Variants in RBM47 observed in about 807,000 individuals in gnomAD.
RBM47 encodes RNA-binding protein 47.
RBM47 carries 21 observed loss-of-function variants against 47.1 expected under a neutral mutation model. The ratio of observed to expected loss-of-function variants is 0.45; its 90% CI spans 0.32 to 0.64. The LOEUF (loss-of-function observed/expected upper bound fraction) is 0.64. RBM47 is among the 30% of genes least tolerant of loss of function. The pLI, the probability that RBM47 is intolerant of heterozygous loss-of-function variation, is 0.05. For synonymous variants in RBM47, 375 were observed against 361.7 expected (o/e 1.04, Z -0.42); for missense variants, 708 against 870.9 (o/e 0.81, Z 2.35).
intron 1 of RBM47, among the ~76,000 whole-genome samples, chr4:40,587,652 C>T (rs916079772): frequency 6.6e-6 from 1 of 152,154 alleles, no homozygotes; most frequent in Non-Finnish European, 1.5e-5. Context: ...AAGGGAAAGA[C>T]CTTCCAGCAC....
chr4:40,561,221 CA>C (rs1441418493), intron 1 of RBM47, among the ~76,000 whole-genome samples: 3 of 147,660 alleles, frequency 2.0e-5, no homozygotes, highest in Non-Finnish European at 4.5e-5. Flanking sequence ...ACTATTTTTC[CA>C]TTGTCTTTTT....
chr4:40,534,567 G>T (rs1225950023), intron 2 of RBM47, among the ~76,000 whole-genome samples: 1 of 152,092 alleles, frequency 6.6e-6, no homozygotes, highest in East Asian at 1.9e-4. Context: ...GAACTCCTGG[G>T]GACCTGGTCA....
At chr4:40,552,958 CTTTCT>C (rs149521056) in intron 1 of RBM47, among the ~76,000 whole-genome samples, 16,412 of 151,674 alleles carry the variant, frequency 0.11, 1,489 homozygotes, top group African/African-American at 0.25. Flanking sequence ...TCTCTGACAA[CTTTCT>C]TTTCTTTTTT....
At chr4:40,485,835 G>A (rs1406985511) in intron 2 of RBM47, among the ~76,000 whole-genome samples, 5 of 151,476 alleles carry the variant, frequency 3.3e-5, no homozygotes, top group African/African-American at 4.9e-5. Flanking sequence ...TGAGGTGGGC[G>A]GATTGCTTGA....
rs73145547 is a variant in RBM47, at chr4:40,483,817, T to C, written c.-154-17118A>G. Among the ~76,000 whole-genome samples, 993 of 152,308 alleles carry C rather than the reference T, an allele frequency of 6.5e-3. 14 individuals are homozygous for C. Among genetic ancestry groups the C allele is most frequent in the African/African-American group, 0.022 (919 of 41,564 alleles). On this transcript the variant is annotated intron_variant, in intron 2 of 6. Transcript: ENST00000295971. ...GTGTCACACTTCAGTAAAACAAGTA[T>C]GAAAGCATCAAAACCCTTCTAAAAA...
intron 3 of RBM47, among the ~76,000 whole-genome samples, chr4:40,454,331 C>T (rs958668742): frequency 7.2e-5 from 11 of 152,172 alleles, no homozygotes; most frequent in Non-Finnish European, 1.6e-4. Flanking sequence ...TCCTCATTAT[C>T]GTCACCTGCA....
rs1231195252 is a variant in RBM47 at position 40,438,430 on chromosome 4, A to G, written c.464T>C (p.Ile155Thr). 1.2e-6 allele frequency: 2 copies of G among 1,613,474 alleles called. No homozygotes were observed. Among genetic ancestry groups the G allele is most frequent in the Non-Finnish European group, 1.7e-6 (2 of 1,179,970 alleles). Residue 155 changes from isoleucine (I) to threonine (T), a missense_variant, in exon 4 of 7, where the codon ATC (isoleucine) becomes ACC (threonine). Physicochemically the swap from Ile to Thr is moderately conservative, Grantham distance 89 (BLOSUM62 -1). Coordinates refer to ENST00000295971, the MANE Select transcript of RBM47 (RefSeq NM_001098634.2). Reference protein sequence around the residue: ...CCSVDNCRLFIGGIPKMKKRE... With the variant: ...CCSVDNCRLFTGGIPKMKKRE... ...CTTCTTCATCTTGGGGATCCCGCCG[A>G]TGAAGAGGCGGCAGTTGTCCACGCT... is the stretch of plus-strand genomic sequence containing the variant.
At chr4:40,598,329 C>A (rs976831910) in intron 1 of RBM47, among the ~76,000 whole-genome samples, 13 of 152,264 alleles carry the variant, frequency 8.5e-5, no homozygotes, top group Non-Finnish European at 1.5e-4. Flanking sequence ...TCACTGCAAC[C>A]TCCACCTACC....
chr4:40,533,279 C>A (rs574079751), intron 2 of RBM47, among the ~76,000 whole-genome samples: 1 of 151,930 alleles, frequency 6.6e-6, no homozygotes, highest in South Asian at 2.1e-4. Context: ...ACTAAAAATA[C>A]AAAAATTAGC....
chr4:40,585,696 G>A (rs933439296), intron 1 of RBM47, among the ~76,000 whole-genome samples: 2 of 152,070 alleles, frequency 1.3e-5, no homozygotes, highest in African/African-American at 2.4e-5. Context: ...AAGGTGTTCC[G>A]GCACACGATC....
At chr4:40,587,426 A>G (rs559053088) in intron 1 of RBM47, among the ~76,000 whole-genome samples, 10 of 152,180 alleles carry the variant, frequency 6.6e-5, no homozygotes, top group Non-Finnish European at 1.2e-4. Context: ...TATCCATTCA[A>G]TAAACATTTA....
chr4:40,553,565 G>A (rs554509080), intron 1 of RBM47, among the ~76,000 whole-genome samples: 99 of 152,236 alleles, frequency 6.5e-4, no homozygotes, highest in African/African-American at 2.1e-3. Flanking sequence ...CCAAAGTGCT[G>A]GGATTACAGG....
chr4:40,529,469 T>C (rs1451303993), intron 2 of RBM47, among the ~76,000 whole-genome samples: 1 of 127,618 alleles, frequency 7.8e-6, no homozygotes, highest in Non-Finnish European at 1.5e-5. Flanking sequence ...TGAGCCAAGA[T>C]CGTGCCACTG....
At chr4:40,619,269 A>C (rs1245251126) in intron 1 of RBM47, among the ~76,000 whole-genome samples, 3 of 152,190 alleles carry the variant, frequency 2.0e-5, no homozygotes, top group Non-Finnish European at 2.9e-5. Context: ...TCTCTACAAA[A>C]AAATCAAAGA....
At chr4:40,531,192 T>C (rs1234021436) in intron 2 of RBM47, among the ~76,000 whole-genome samples, 1 of 151,838 alleles carries the variant, frequency 6.6e-6, no homozygotes, top group Non-Finnish European at 1.5e-5. Context: ...CCGATGCAGA[T>C]TAAAAAAGGT....
intron 2 of RBM47, among the ~76,000 whole-genome samples, chr4:40,512,438 G>A (rs1300193430): frequency 1.0e-4 from 14 of 139,944 alleles, no homozygotes; most frequent in African/African-American, 2.9e-4. Flanking sequence ...AAAAAAGGCC[G>A]GGTGCGGTGG....
At chr4:40,606,106 G>A (rs1251103599) in intron 1 of RBM47, among the ~76,000 whole-genome samples, 14 of 150,846 alleles carry the variant, frequency 9.3e-5, no homozygotes, top group African/African-American at 3.4e-4. Context: ...GCTGAGGCAG[G>A]AGAGTCTCTT....
chr4:40,535,371 C>CTTTTTTTTTTTTTTTTTTGTTTTTT (rs1553897874), intron 2 of RBM47, among the ~76,000 whole-genome samples: 2 of 103,430 alleles, frequency 1.9e-5, no homozygotes, highest in Non-Finnish European at 3.7e-5. Context: ...TATGGTATTT[C>CTTTTTTTTTTTTTTTTTTGTTTTTT]TTTTTTTTTT....
At position 40,551,251 on chromosome 4, in the gene RBM47, C is replaced by G. The variant is rs16852324; in HGVS notation, c.-239-6745G>C. 2.8e-3 allele frequency among the ~76,000 whole-genome samples: 432 copies of G among 152,276 alleles called. 4 individuals carry two copies. The highest frequency in any genetic ancestry group is 0.01 in the African/African-American group (420 of 41,570). On this transcript the variant is annotated intron_variant, in intron 1 of 6. Coordinates refer to ENST00000295971, the MANE Select transcript of RBM47 (RefSeq NM_001098634.2). ...GCCACAAAATACATATGGTTCGAGG[C>G]TGACAAATTCAAAAGACAATTTAAT...
Sources: allele counts gnomAD v4.1 joint callset (sites outside exome capture counted in the v4.1 genomes callset), GRCh38; gene constraint gnomAD v4.1.1; transcripts MANE v1.5; gene names NCBI Gene and HGNC (gene_info 2026-07-23, HGNC 2026-07-21).